Variants in ALDH1A2 observed in about 807,000 individuals in gnomAD.
The protein encoded by ALDH1A2 is aldehyde dehydrogenase 1 family member A2.
Under a neutral mutation model 60.3 loss-of-function variants are expected in ALDH1A2, and 27 were observed. The observed-to-expected ratio is 0.45, with a 90% CI of 0.33 to 0.62. The LOEUF (loss-of-function observed/expected upper bound fraction) is 0.62, where lower values mean the gene tolerates loss of function less well. ALDH1A2 is among the 20% of genes least tolerant of loss of function. ALDH1A2 has a pLI of 0.02. For synonymous variants in ALDH1A2, 289 were observed against 232.4 expected, an observed-to-expected ratio of 1.24 and a Z score of -2.21; for missense variants, 581 against 643.8, an observed-to-expected ratio of 0.90 and a Z score of 1.06.
At chr15:57,960,920 T>C (rs1227972245) in intron 11 of ALDH1A2, 76 bp from the exon 12 acceptor site, 33 of 1,444,662 alleles carry the variant, frequency 2.3e-5, no homozygotes, top group Non-Finnish European at 3.1e-5. Context: ...GTATTTCTTT[T>C]AGAAGTTTTA....
chr15:58,041,983 C>T (rs946362793), intron 1 of ALDH1A2, among the ~76,000 whole-genome samples: 10 of 151,860 alleles, frequency 6.6e-5, no homozygotes, highest in Non-Finnish European at 1.2e-4. Flanking sequence ...ACTGTACTCA[C>T]CTGACTGTGG....
In ALDH1A2 at chr15:57,953,827, G is replaced by GC. The variant is rs1373837281; in HGVS notation, c.*1369dup. On this transcript the variant is annotated 3_prime_UTR_variant, in exon 13 of 13. Transcript: ENST00000249750. ...TTTGGTACTTTTAAATAAATGATCT[G>GC]CATTTAGGTTAGAGACTGGATTGGA... The GC allele has an allele frequency of 6.6e-6, 1 of 152,358 alleles. No individual in the cohort carries two copies. The highest frequency in any genetic ancestry group is 1.5e-5 in the Non-Finnish European group (1 of 68,042). The allele number at this position is 152,358 out of a possible 1,614,324, so 9.4% of individuals were successfully genotyped here.
chr15:57,983,913 G>A (rs368316594), intron 7 of ALDH1A2, among the ~76,000 whole-genome samples: 19 of 152,300 alleles, frequency 1.2e-4, no homozygotes, highest in African/African-American at 3.8e-4. Flanking sequence ...TGGAAACCCT[G>A]TATTGTAACA....
intron 1 of ALDH1A2, among the ~76,000 whole-genome samples, chr15:58,025,384 C>G (rs1451882214): frequency 1.3e-5 from 2 of 152,112 alleles, no homozygotes; most frequent in Admixed American, 6.5e-5. Context: ...CTCTGAAGAA[C>G]TACACATTGA....
Position 57,962,192 on chromosome 15 carries a change from CTTAA to C in ALDH1A2, c.1087-20_1087-17del. 1 of 1,611,938 alleles carries C rather than the reference CTTAA, an allele frequency of 6.2e-7. No homozygotes were observed. Among genetic ancestry groups the C allele is most frequent in the Non-Finnish European group, 8.5e-7 (1 of 1,178,026 alleles). Reference sequence around the variant, plus strand: ...TCTTATCAATCTGTGGGAGACAAGACTTAATGACTCCAAATATAACCTTCTATGA... The same window carrying C: ...TCTTATCAATCTGTGGGAGACAAGACTGACTCCAAATATAACCTTCTATGA... On this transcript the variant is annotated splice_polypyrimidine_tract_variant and intron_variant, in intron 9 of 12. Coordinates refer to ENST00000249750, the MANE Select transcript of ALDH1A2 (RefSeq NM_003888.4).
chr15:57,963,815 A>T, intron 9 of ALDH1A2, 70 bp downstream of exon 9: 1 of 1,531,486 alleles, frequency 6.5e-7, no homozygotes, highest in Non-Finnish European at 9.0e-7. Flanking sequence ...GCTGGGACCT[A>T]CTACAGTGTA....
intron 4 of ALDH1A2, 135 bp downstream of exon 4, chr15:58,010,514 G>C: frequency 1.7e-6 from 2 of 1,188,384 alleles, no homozygotes; most frequent in Non-Finnish European, 2.4e-6. Flanking sequence ...AATTTGGTTG[G>C]TTCTTCACTC....
chr15:58,014,375 T>C, intron 1 of ALDH1A2, 94 bp from the exon 2 acceptor site: 1 of 935,466 alleles, frequency 1.1e-6, no homozygotes, highest in Non-Finnish European at 1.7e-6. Flanking sequence ...GTAATAACAC[T>C]TGTTGTATAA....
chr15:58,010,576 TTG>T, intron 4 of ALDH1A2, 71 bp downstream of exon 4: 1 of 1,591,910 alleles, frequency 6.3e-7, no homozygotes, highest in Non-Finnish European at 8.6e-7. Context: ...TGACTGCTGT[TTG>T]TGTTTGGTGG....
At chr15:58,001,106 A>T (rs1321595780) in intron 4 of ALDH1A2, among the ~76,000 whole-genome samples, 1 of 150,974 alleles carries the variant, frequency 6.6e-6, no homozygotes, top group Non-Finnish European at 1.5e-5. Context: ...TCACATCCTT[A>T]TCTCATTTTA....
At chr15:58,053,698 C>A (rs527517493) in intron 1 of ALDH1A2, among the ~76,000 whole-genome samples, 1 of 152,176 alleles carries the variant, frequency 6.6e-6, no homozygotes, top group African/African-American at 2.4e-5. Flanking sequence ...GGTAATGATA[C>A]CAGAATGTGG....
At chr15:58,032,146 A>T (rs1335219900) in intron 1 of ALDH1A2, among the ~76,000 whole-genome samples, 1 of 152,108 alleles carries the variant, frequency 6.6e-6, no homozygotes, top group Non-Finnish European at 1.5e-5. Flanking sequence ...AAAATGTGGC[A>T]CATATACACC....
chr15:58,042,335 A>G (rs1896537361), intron 1 of ALDH1A2, among the ~76,000 whole-genome samples: 1 of 151,894 alleles, frequency 6.6e-6, no homozygotes, highest in Admixed American at 6.6e-5. Flanking sequence ...GTAATACTTT[A>G]CCTAAACCCT....
chr15:58,064,623 G>C (rs1021977954), intron 1 of ALDH1A2, among the ~76,000 whole-genome samples: 1 of 152,120 alleles, frequency 6.6e-6, no homozygotes, highest in African/African-American at 2.4e-5. Flanking sequence ...TCAAACCAGA[G>C]AACTACAAAA....
chr15:58,042,598 G>C lies in ALDH1A2; in HGVS notation c.117+22936C>G, dbSNP rs534550254. ...AATCCTAGAATCACTTTCATCTCAT[G>C]TCCCAGAAAAGCTGTCTCTCAATCT... On this transcript the variant is annotated intron_variant, in intron 1 of 12. Transcript: ENST00000249750. Among the ~76,000 whole-genome samples, 26 of 152,018 alleles carry C rather than the reference G, an allele frequency of 1.7e-4. 1 individual carries two copies. The South Asian group carries it at 5.4e-3, about 32-fold the overall frequency.
chr15:57,977,562 T>C (rs188046033), intron 7 of ALDH1A2, among the ~76,000 whole-genome samples: 214 of 152,310 alleles, frequency 1.4e-3, no homozygotes, highest in Middle Eastern at 6.8e-3. Context: ...TTCTGTTCCA[T>C]TGGTCTATGT....
intron 4 of ALDH1A2, among the ~76,000 whole-genome samples, chr15:58,008,130 G>C (rs4646598): frequency 0.42 from 63,070 of 151,908 alleles, 14,389 homozygotes; most frequent in Non-Finnish European, 0.53. Context: ...AGACACCATG[G>C]AGAGAGCTCT....
chr15:57,969,023 T>G (rs975142996), intron 7 of ALDH1A2, among the ~76,000 whole-genome samples: 1 of 152,202 alleles, frequency 6.6e-6, no homozygotes, highest in African/African-American at 2.4e-5. Flanking sequence ...AAATCTCAGA[T>G]GAATGATACC....
At chr15:58,025,846 G>A (rs1036525979) in intron 1 of ALDH1A2, among the ~76,000 whole-genome samples, 1 of 152,188 alleles carries the variant, frequency 6.6e-6, no homozygotes, top group African/African-American at 2.4e-5. Flanking sequence ...AGAGAGAAAA[G>A]AGGAAATGCC....
Sources: gnomAD v4.1 joint callset for allele counts (sites outside exome capture counted in the v4.1 genomes callset) on GRCh38, gnomAD v4.1.1 for gene constraint, MANE v1.5 for transcripts, NCBI Gene and HGNC (gene_info 2026-07-23, HGNC 2026-07-21) for gene names.